The following SORL1 variants were observed in gnomAD, a reference collection of about 807,000 sequenced individuals.
The protein encoded by SORL1 is sortilin-related receptor.
A neutral mutation model predicts 273.7 loss-of-function variants in SORL1; 127 were observed. That is an observed-to-expected ratio of 0.46 (90% CI 0.40 to 0.54). The LOEUF is 0.54. Ranked by LOEUF, SORL1 falls within the 20% of genes least tolerant of loss-of-function variation. SORL1 has a pLI of 0.00. For missense variants in SORL1, 2,494 were observed against 2,846.1 expected (o/e 0.88, Z 2.81); for synonymous variants, 1,031 against 1,067.4 (o/e 0.97, Z 0.66).
chr11:121,622,619 G>A (rs950913561), intron 45 of SORL1, among the ~76,000 whole-genome samples: 5 of 152,208 alleles, frequency 3.3e-5, no homozygotes, highest in African/African-American at 1.2e-4. Context: ...TTCCACACTC[G>A]CTGAGGGTGG....
chr11:121,611,229 C>T (rs1863559107), intron 39 of SORL1, 71 bp downstream of exon 39: 2 of 1,041,362 alleles, frequency 1.9e-6, no homozygotes, highest in Non-Finnish European at 2.9e-6. Context: ...GGACATAGCA[C>T]AGTAAGACTG....
intron 1 of SORL1, among the ~76,000 whole-genome samples, chr11:121,457,153 T>C (rs1242620934): frequency 6.6e-6 from 1 of 152,152 alleles, no homozygotes; most frequent in African/African-American, 2.4e-5. Context: ...TCTGGCCGCT[T>C]TTAGTTCATA....
chr11:121,611,560 G>A (rs1342851885), intron 39 of SORL1: 2 of 156,648 alleles, frequency 1.3e-5, no homozygotes, highest in African/African-American at 4.8e-5. Flanking sequence ...GGATACCTTG[G>A]AAACATATTC....
rs115114300 is a variant in SORL1 at position 121,561,763 on chromosome 11, C to T, written c.3049+2106C>T. ...ACACAGACCTGGACCTGTGCATGGG[C>T]GGCTGTGACTGTCCCTTTGGCCATG... On this transcript the variant is annotated intron_variant, in intron 21 of 47. Transcript: ENST00000260197. 5.3e-3 allele frequency among the ~76,000 whole-genome samples: 791 copies of T among 149,562 alleles called. 8 individuals carry two copies. The highest frequency in any genetic ancestry group is 0.019 in the African/African-American group (759 of 40,598).
At chr11:121,622,140 C>T (rs1280354543) in intron 44 of SORL1, 22 bp from the exon 45 acceptor site, 1 of 1,308,990 alleles carries the variant, frequency 7.6e-7, no homozygotes. Flanking sequence ...TAACCGCATC[C>T]CATCTCATCT....
Position 121,605,446 on chromosome 11 carries a change from A to G in SORL1, c.4823A>G (p.Asn1608Ser). ...SIWKTLETHS[N>S]KTNTVLKVLK... is the part of the protein sequence containing the mutation. The stretch of plus-strand genomic sequence containing the variant: ...TGGAAGACTCTGGAGACCCACAGCA[A>G]TAAGACAAACACTGTATTAAAAGTC... The change falls in exon 35 of 48, where the codon AAT becomes AGT. Residue 1608 changes from asparagine to serine, a missense_variant. Coordinates refer to ENST00000260197, the MANE Select transcript of SORL1 (RefSeq NM_003105.6). The G allele has an allele frequency of 3.1e-6, 5 of 1,614,098 alleles. No individual in the cohort carries two copies. The highest frequency in any genetic ancestry group is 2.2e-5 in the South Asian group (2 of 91,078).
chr11:121,502,505 T>A (rs1661032191), intron 6 of SORL1, among the ~76,000 whole-genome samples: 1 of 152,208 alleles, frequency 6.6e-6, no homozygotes, highest in Non-Finnish European at 1.5e-5. Flanking sequence ...CATTTTATAT[T>A]CCCACCAGAA....
intron 11 of SORL1, among the ~76,000 whole-genome samples, chr11:121,524,261 T>G (rs1862086741): frequency 6.6e-6 from 1 of 152,212 alleles, no homozygotes; most frequent in South Asian, 2.1e-4. Flanking sequence ...GCCTGTGGTT[T>G]GTTTGTGCCT....
At chr11:121,584,679 C>A (rs1322544820) in intron 26 of SORL1, among the ~76,000 whole-genome samples, 2 of 151,996 alleles carry the variant, frequency 1.3e-5, no homozygotes, top group African/African-American at 2.4e-5. Context: ...GCAGCTTTGA[C>A]CTCCTGGGCG....
At chr11:121,608,308 C>A in intron 38 of SORL1, 132 bp downstream of exon 38, 1 of 748,678 alleles carries the variant, frequency 1.3e-6, no homozygotes. Flanking sequence ...CCCCAACACA[C>A]GCACATTTTT....
intron 2 of SORL1, among the ~76,000 whole-genome samples, chr11:121,471,880 C>T (rs923690904): frequency 1.3e-5 from 2 of 152,200 alleles, no homozygotes; most frequent in Non-Finnish European, 2.9e-5. Context: ...GGGTGTAGTG[C>T]TCTGGGGCAG....
At chr11:121,619,607 G>T (rs1266626882) in intron 42 of SORL1, 146 bp from the exon 43 acceptor site, 1 of 691,022 alleles carries the variant, frequency 1.4e-6, no homozygotes, top group African/African-American at 1.8e-5. Context: ...ATGATTTGGG[G>T]TAGGTGGGAA....
At position 121,514,845 on chromosome 11, in the gene SORL1, C is replaced by G. The variant is rs368812189; in HGVS notation, c.1211+524C>G. The stretch of plus-strand genomic sequence containing the variant: ...AGCTGTTTTGTAGTCCAGCAGTGGG[C>G]GGTCTCGGAGCACCACACCCATCAA... On this transcript the variant is annotated intron_variant, in intron 8 of 47. Coordinates refer to ENST00000260197, the MANE Select transcript of SORL1 (RefSeq NM_003105.6). Among the ~76,000 whole-genome samples the G allele has an allele frequency of 5.6e-4, 85 of 152,220 alleles. 1 individual carries two copies. Among genetic ancestry groups the G allele is most frequent in the African/African-American group, 1.9e-3 (77 of 41,530 alleles).
chr11:121,599,994 C>T (rs961324391), intron 32 of SORL1, among the ~76,000 whole-genome samples: 1 of 152,062 alleles, frequency 6.6e-6, no homozygotes, highest in African/African-American at 2.4e-5. Flanking sequence ...TAAAGTGGCC[C>T]TATCTTCTTT....
intron 37 of SORL1, among the ~76,000 whole-genome samples, chr11:121,607,748 G>A (rs1784930): frequency 0.99 from 151,239 of 152,346 alleles, 75,084 homozygotes; most frequent in Middle Eastern, 1. Context: ...CATTAAGTGT[G>A]CACATTCATG....
Position 121,545,363 on chromosome 11 carries a change from A to G in SORL1, c.1985A>G (p.Asn662Ser), listed in dbSNP as rs1235586714. The change falls in exon 14 of 48, where the codon AAT becomes AGT. Residue 662 changes from asparagine (N) to serine (S), a missense_variant. By Grantham distance (46) the Asn-to-Ser change is conservative. Around this residue, in one of 3 missense-constraint regions of SORL1, gnomAD observed 710 missense variants for 882.5 expected, o/e 0.80. Transcript: ENST00000260197. Reference protein sequence around the residue: ...KRRTPHATCFNGEDFDRPVVV... With the variant: ...KRRTPHATCFSGEDFDRPVVV... ...CGGACCCCCCATGCCACATGCTTCA[A>G]TGGAGAGGACTTTGACAGGCCGGTG... The G allele has an allele frequency of 3.1e-6, 5 of 1,614,050 alleles. No individual in the cohort carries two copies. The highest frequency in any genetic ancestry group is 2.2e-5 in the East Asian group (1 of 44,894).
Position 121,554,629 on chromosome 11 carries a change from A to G in SORL1, c.2439+520A>G, listed in dbSNP as rs1862551149. ...GCTCTTTGATCTTTATTCATTGTCT[A>G]CTTAATCCTTTTAGAAAAGCAATTC... On this transcript the variant is annotated intron_variant, in intron 17 of 47. Coordinates refer to ENST00000260197, the MANE Select transcript of SORL1 (RefSeq NM_003105.6). The surrounding 1 kb of genome is among the most constrained non-coding windows in gnomAD (Gnocchi z 4.6). Among the ~76,000 whole-genome samples the G allele has an allele frequency of 6.6e-6, 1 of 152,208 alleles. No individual in the cohort carries two copies. Among genetic ancestry groups the G allele is most frequent in the African/African-American group, 2.4e-5 (1 of 41,444 alleles).
At position 121,543,508 on chromosome 11, in the gene SORL1, G is replaced by T. The variant is rs758707585; in HGVS notation, c.1686-40G>T. 3.9e-6 allele frequency: 6 copies of T among 1,557,194 alleles called. No homozygotes were observed. In the East Asian group the frequency reaches 1.4e-4, roughly 35 times the overall value. On this transcript the variant is annotated intron_variant, in intron 12 of 47. Transcript: ENST00000260197. The stretch of plus-strand genomic sequence containing the variant: ...ATGGAAACCAAGCCTTTGCCTTAGA[G>T]ACTTTCACTGCAAGGATTCTCTTAC...
chr11:121,547,272 C>G (rs1252259875), intron 14 of SORL1, among the ~76,000 whole-genome samples: 1 of 150,550 alleles, frequency 6.6e-6, no homozygotes, highest in Non-Finnish European at 1.5e-5. Context: ...CCAATATGTA[C>G]TTCAAAATAA....
Sources: gnomAD v4.1 joint callset for allele counts (sites outside exome capture counted in the v4.1 genomes callset) on GRCh38, gnomAD v4.1.1 for gene constraint, gnomAD v4.1.1 regional missense constraint, Gnocchi (gnomAD v3.1) non-coding constraint, MANE v1.5 for transcripts, NCBI Gene and HGNC (gene_info 2026-07-23, HGNC 2026-07-21) for gene names.